Variants in RNF24 observed in about 807,000 individuals in gnomAD.
RNF24 encodes ring finger protein 24.
RNF24 carries 14 observed loss-of-function variants against 20.0 expected under a neutral mutation model. The ratio of observed to expected loss-of-function variants is 0.70; its 90% CI spans 0.46 to 1.10. RNF24 has a LOEUF of 1.10. Ranked by LOEUF, RNF24 falls within the 50% of genes least tolerant of loss-of-function variation. The pLI is 0.00. For synonymous variants in RNF24, 45 were observed against 61.1 expected (o/e 0.74, Z 1.23); for missense variants, 124 against 177.6 (o/e 0.70, Z 1.71).
Position 4,005,014 on chromosome 20 carries a change from C to T in RNF24, c.-8+10423G>A, listed in dbSNP as rs142884290. Reference sequence around the variant, plus strand: ...CTGCACTTCCATTATCAATAGCCCTCCAGAGGTGCCAGTACAGGATAACAT... The same window carrying T: ...CTGCACTTCCATTATCAATAGCCCTTCAGAGGTGCCAGTACAGGATAACAT... On this transcript the variant is annotated intron_variant, in intron 1 of 5. Transcript: ENST00000358395. 2.2e-3 allele frequency among the ~76,000 whole-genome samples: 341 copies of T among 152,306 alleles called. 3 individuals are homozygous for T. The highest frequency in any genetic ancestry group is 8.0e-3 in the African/African-American group (334 of 41,568).
At chr20:3,948,688 C>A (rs1199080599) in intron 2 of RNF24, among the ~76,000 whole-genome samples, 1 of 152,124 alleles carries the variant, frequency 6.6e-6, no homozygotes, top group Non-Finnish European at 1.5e-5. Flanking sequence ...TTCCAGCACA[C>A]CTGAGCCCTC....
intron 1 of RNF24, among the ~76,000 whole-genome samples, chr20:4,010,127 C>A (rs1484548492): frequency 1.3e-5 from 2 of 151,964 alleles, no homozygotes; most frequent in Non-Finnish European, 2.9e-5. Context: ...GCAATCCCAG[C>A]ACTTTGGGAG....
At chr20:4,005,913 G>A (rs371758767) in intron 1 of RNF24, among the ~76,000 whole-genome samples, 1 of 152,122 alleles carries the variant, frequency 6.6e-6, no homozygotes, top group East Asian at 1.9e-4. Context: ...TATTCTTACA[G>A]TATGATATTT....
At chr20:3,980,234 G>T (rs1224712839) in intron 1 of RNF24, among the ~76,000 whole-genome samples, 2 of 152,154 alleles carry the variant, frequency 1.3e-5, no homozygotes, top group Admixed American at 6.6e-5. Context: ...AATGAAAGTG[G>T]AACTCGCTAA....
At chr20:3,958,405 GA>G (rs1322254842) in intron 2 of RNF24, among the ~76,000 whole-genome samples, 1 of 152,106 alleles carries the variant, frequency 6.6e-6, no homozygotes, top group African/African-American at 2.4e-5. Flanking sequence ...TTCAAAGACA[GA>G]GTTATATTCC....
chr20:3,950,498 G>A (rs942601848), intron 2 of RNF24, among the ~76,000 whole-genome samples: 3 of 152,172 alleles, frequency 2.0e-5, no homozygotes, highest in African/African-American at 4.8e-5. Flanking sequence ...GGCTCTGCCA[G>A]CACTTTACAT....
At chr20:4,012,946 CAG>C (rs1233815288) in intron 1 of RNF24, among the ~76,000 whole-genome samples, 1 of 151,850 alleles carries the variant, frequency 6.6e-6, no homozygotes, top group Non-Finnish European at 1.5e-5. Flanking sequence ...GCAGTCAAGA[CAG>C]GCAGTTTATA....
chr20:3,959,441 T>C (rs1023569242), intron 2 of RNF24, among the ~76,000 whole-genome samples: 1 of 150,184 alleles, frequency 6.7e-6, no homozygotes, highest in Non-Finnish European at 1.5e-5. Context: ...AGCCCCAAAA[T>C]TTCCCTGTAT....
rs988452937 is a variant in RNF24 at position 3,931,984 on chromosome 20, G to C, written c.*2079C>G. ...TTGTTAGTACTGATGCACAGGGACA[G>C]AAAAAGCCTGCAACTTTCAGTTGGG... On this transcript the variant is annotated 3_prime_UTR_variant, in exon 6 of 6. Coordinates refer to ENST00000358395, the MANE Select transcript of RNF24 (RefSeq NM_001134337.3). 6.6e-6 allele frequency: 1 copy of C among 152,224 alleles called. No individual in the cohort carries two copies. The highest frequency in any genetic ancestry group is 1.5e-5 in the Non-Finnish European group (1 of 68,022). 9.4% of individuals were successfully genotyped at this position (152,224 alleles called of 1,614,324 possible). A position where few individuals can be genotyped will look rare whatever the true frequency, so the allele number is the denominator to read the frequency against.
chr20:3,937,829 T>C (rs1042205895), intron 4 of RNF24, among the ~76,000 whole-genome samples: 2 of 152,370 alleles, frequency 1.3e-5, no homozygotes, highest in East Asian at 1.9e-4. Context: ...ACTGTATGTA[T>C]GTACCGCATT....
In RNF24 at chr20:3,968,456, A is replaced by T. The variant is rs535924964; in HGVS notation, c.-7-4432T>A. ...AGACCCCACCTGTACAAATAAAAATAAAAATTAAAAAATTAGTTGGGCATG... is the reference window on the plus strand; with the variant it reads ...AGACCCCACCTGTACAAATAAAAATTAAAATTAAAAAATTAGTTGGGCATG... On this transcript the variant is annotated intron_variant, in intron 1 of 5. Transcript: ENST00000358395. Among the ~76,000 whole-genome samples the T allele has an allele frequency of 1.4e-4, 21 of 152,308 alleles. No homozygotes were observed. In the South Asian group the frequency reaches 3.9e-3, roughly 29 times the overall value.
chr20:4,008,873 T>G (rs1489713253), intron 1 of RNF24, among the ~76,000 whole-genome samples: 1 of 152,058 alleles, frequency 6.6e-6, no homozygotes, highest in East Asian at 1.9e-4. Flanking sequence ...GTCATACTTA[T>G]GAAAGAATGA....
chr20:3,946,757 C>G (rs1355835139), intron 3 of RNF24, among the ~76,000 whole-genome samples: 1 of 149,604 alleles, frequency 6.7e-6, no homozygotes, highest in Non-Finnish European at 1.5e-5. Flanking sequence ...ATTTAGAAAA[C>G]TAAAATACTC....
intron 4 of RNF24, among the ~76,000 whole-genome samples, chr20:3,936,126 G>A (rs978029929): frequency 5.3e-5 from 8 of 152,200 alleles, no homozygotes; most frequent in East Asian, 1.9e-4. Flanking sequence ...CCAGTGAACC[G>A]TGCCATGTTG....
At chr20:3,974,667 A>T (rs968572557) in intron 1 of RNF24, among the ~76,000 whole-genome samples, 7 of 152,212 alleles carry the variant, frequency 4.6e-5, no homozygotes, top group African/African-American at 1.7e-4. Context: ...TTGTTCAAAA[A>T]AAGAAATACA....
chr20:3,944,209 CAAAAAAAA>C (rs58334745), intron 4 of RNF24, among the ~76,000 whole-genome samples: 22 of 109,896 alleles, frequency 2.0e-4, no homozygotes, highest in African/African-American at 2.4e-4. Context: ...GACCCCGTCT[CAAAAAAAA>C]AAAAAAAAAA....
chr20:3,958,163 T>C (rs2091163714), intron 2 of RNF24, among the ~76,000 whole-genome samples: 1 of 152,224 alleles, frequency 6.6e-6, no homozygotes, highest in African/African-American at 2.4e-5. Flanking sequence ...ATCTCTGTCT[T>C]AGGAAAAGGT....
Position 3,932,837 on chromosome 20 carries a change from C to A in RNF24, c.*1226G>T, listed in dbSNP as rs1041704600. ...TCACAAATCTTAATGGACTTTGAGT[C>A]ATTTCTAGAAAAGTTGGACAGAAAG... is the stretch of plus-strand genomic sequence containing the variant. On this transcript the variant is annotated 3_prime_UTR_variant, in exon 6 of 6. Transcript: ENST00000358395. The A allele has an allele frequency of 1.3e-5, 5 of 397,992 alleles. No individual in the cohort carries two copies. Among genetic ancestry groups the A allele is most frequent in the Non-Finnish European group, 2.2e-5 (5 of 226,056 alleles). The allele number at this position is 397,992 out of a possible 1,614,324, so 24.7% of individuals were successfully genotyped here.
rs1396162643 is a variant in RNF24 at position 3,972,054 on chromosome 20, G to T, written c.-7-8030C>A. ...AAAATAAAATTACCAGAGAGAGAAA[G>T]AAACATTACCTAATGATAAAATGGT... On this transcript the variant is annotated intron_variant, in intron 1 of 5. Coordinates refer to ENST00000358395, the MANE Select transcript of RNF24 (RefSeq NM_001134337.3). Among the ~76,000 whole-genome samples, 5 of 151,972 alleles carry T rather than the reference G, an allele frequency of 3.3e-5. No individual in the cohort carries two copies. The East Asian group carries it at 9.7e-4, about 29-fold the overall frequency.
Sources: gnomAD v4.1 joint callset for allele counts (sites outside exome capture counted in the v4.1 genomes callset) on GRCh38, gnomAD v4.1.1 for gene constraint, MANE v1.5 for transcripts, NCBI Gene and HGNC (gene_info 2026-07-23, HGNC 2026-07-21) for gene names.